Variants in CDK19 observed in about 807,000 individuals in gnomAD.
CDK19 encodes the protein cyclin-dependent kinase 19.
CDK19 carries 20 observed loss-of-function variants against 68.3 expected under a neutral mutation model. That is an observed-to-expected ratio of 0.29 (90% CI 0.21 to 0.43). The LOEUF (loss-of-function observed/expected upper bound fraction) is 0.43. Ranked by LOEUF, CDK19 falls within the 20% of genes least tolerant of loss-of-function variation. CDK19 has a pLI of 1.00. For synonymous variants in CDK19, 221 were observed against 222.8 expected, an observed-to-expected ratio of 0.99 and a Z score of 0.07; for missense variants, 339 against 623.5, an observed-to-expected ratio of 0.54 and a Z score of 4.86.
At chr6:110,758,954 A>C (rs1307370882) in intron 1 of CDK19, among the ~76,000 whole-genome samples, 1 of 151,166 alleles carries the variant, frequency 6.6e-6, no homozygotes, top group African/African-American at 2.4e-5. Flanking sequence ...TCAATGAAAA[A>C]TAAATACTTA....
intron 1 of CDK19, among the ~76,000 whole-genome samples, chr6:110,785,482 G>T (rs886516470): frequency 2.6e-5 from 4 of 152,162 alleles, no homozygotes; most frequent in African/African-American, 9.7e-5. Flanking sequence ...AAAAGAAAAT[G>T]CGAAGGAAAC....
chr6:110,648,544 T>C (rs1780760645), intron 4 of CDK19, among the ~76,000 whole-genome samples: 2 of 144,708 alleles, frequency 1.4e-5, no homozygotes, highest in East Asian at 2.0e-4. Flanking sequence ...TTTTCTTTTT[T>C]TTTTTTTTTT....
intron 1 of CDK19, among the ~76,000 whole-genome samples, chr6:110,760,124 G>A (rs766524664): frequency 8.6e-5 from 13 of 151,920 alleles, no homozygotes; most frequent in Admixed American, 3.3e-4. Flanking sequence ...GGCCAGGCGC[G>A]GTGCATCACA....
chr6:110,629,595 C>T (rs1779312206), intron 6 of CDK19, among the ~76,000 whole-genome samples: 1 of 152,208 alleles, frequency 6.6e-6, no homozygotes, highest in Non-Finnish European at 1.5e-5. Context: ...CTCAAGTGAT[C>T]CACCTGCCTT....
chr6:110,734,812 G>A (rs867629712), intron 2 of CDK19, among the ~76,000 whole-genome samples: 1 of 151,982 alleles, frequency 6.6e-6, no homozygotes, highest in South Asian at 2.1e-4. Flanking sequence ...CTTCTTGAGG[G>A]AAAGGGAAAA....
intron 2 of CDK19, among the ~76,000 whole-genome samples, chr6:110,724,084 T>C (rs1477602199): frequency 6.6e-6 from 1 of 151,366 alleles, no homozygotes. Context: ...CCAGGCACAG[T>C]GGCCCATGCC....
At chr6:110,718,629 T>G (rs1775585538) in intron 2 of CDK19, among the ~76,000 whole-genome samples, 1 of 109,756 alleles carries the variant, frequency 9.1e-6, no homozygotes, top group South Asian at 3.4e-4. Context: ...CGGAGAAATC[T>G]TCAAAGTCCA....
chr6:110,755,233 G>T (rs1312548991), intron 1 of CDK19, among the ~76,000 whole-genome samples: 1 of 151,968 alleles, frequency 6.6e-6, no homozygotes, highest in Non-Finnish European at 1.5e-5. Context: ...TAGAGATGGG[G>T]TTTCGCTATG....
At position 110,614,136 on chromosome 6, in the gene CDK19, C is replaced by T. The variant is rs1317514135; in HGVS notation, c.*399G>A. ...AGTTCATGAAGTATAAAACTATACA[C>T]CACTGGAATCCTGTTTCTAAAACAT... On this transcript the variant is annotated 3_prime_UTR_variant, in exon 13 of 13. Coordinates refer to ENST00000368911, the MANE Select transcript of CDK19 (RefSeq NM_015076.5). The T allele has an allele frequency of 6.2e-6, 1 of 161,342 alleles. No individual in the cohort carries two copies. Among genetic ancestry groups the T allele is most frequent in the African/African-American group, 2.4e-5 (1 of 41,810 alleles). The allele number at this position is 161,342 out of a possible 1,614,324, so 10.0% of individuals were successfully genotyped here.
rs115777360 is a variant in CDK19, at chr6:110,636,281, C to G, written c.514+2368G>C. Among the ~76,000 whole-genome samples, 257 of 152,302 alleles carry G rather than the reference C, an allele frequency of 1.7e-3. 1 individual carries two copies. Among genetic ancestry groups the G allele is most frequent in the African/African-American group, 5.8e-3 (240 of 41,568 alleles). On this transcript the variant is annotated intron_variant, in intron 5 of 12. Coordinates refer to ENST00000368911, the MANE Select transcript of CDK19 (RefSeq NM_015076.5). ...ACTTCGGCTAGGGTGAGAGATTAGACTCTGGTATCAAGATCTTAGAATCAT... is the reference window on the plus strand; with the variant it reads ...ACTTCGGCTAGGGTGAGAGATTAGAGTCTGGTATCAAGATCTTAGAATCAT...
intron 1 of CDK19, among the ~76,000 whole-genome samples, chr6:110,751,368 T>C (rs937119592): frequency 3.3e-5 from 5 of 152,092 alleles, no homozygotes; most frequent in Non-Finnish European, 4.4e-5. Flanking sequence ...CAAAACCCAC[T>C]GTGAACTGCA....
intron 6 of CDK19, among the ~76,000 whole-genome samples, chr6:110,630,791 A>C (rs946114864): frequency 6.6e-6 from 1 of 152,212 alleles, no homozygotes; most frequent in Non-Finnish European, 1.5e-5. Flanking sequence ...AGGCTTTTTC[A>C]CTAATTTAAC....
intron 1 of CDK19, among the ~76,000 whole-genome samples, chr6:110,755,041 C>CTTT (rs34041330): frequency 7.6e-6 from 1 of 131,756 alleles, no homozygotes; most frequent in Non-Finnish European, 1.6e-5. Flanking sequence ...CTTGTGAATC[C>CTTT]TTTTTTTTTT....
intron 2 of CDK19, among the ~76,000 whole-genome samples, chr6:110,676,293 G>C (rs1009241743): frequency 1.3e-5 from 2 of 151,890 alleles, no homozygotes; most frequent in African/African-American, 4.9e-5. Context: ...GCTTCTTATG[G>C]ATGGGCAAAG....
chr6:110,800,383 G>A (rs551686389), intron 1 of CDK19, among the ~76,000 whole-genome samples: 3 of 152,090 alleles, frequency 2.0e-5, no homozygotes, highest in Non-Finnish European at 4.4e-5. Flanking sequence ...GTACAAAGAA[G>A]AGCTGGTACC....
intron 4 of CDK19, among the ~76,000 whole-genome samples, chr6:110,642,199 G>C (rs1030852541): frequency 2.0e-5 from 3 of 152,018 alleles, no homozygotes; most frequent in African/African-American, 7.3e-5. Flanking sequence ...TACTCAGGAG[G>C]CTGAGGCAGG....
chr6:110,756,061 C>A (rs1252599930), intron 1 of CDK19, among the ~76,000 whole-genome samples: 1 of 152,046 alleles, frequency 6.6e-6, no homozygotes, highest in Non-Finnish European at 1.5e-5. Context: ...GAGTTCAAGA[C>A]CAGCCTGGGC....
intron 2 of CDK19, among the ~76,000 whole-genome samples, chr6:110,688,084 T>A (rs1772644638): frequency 6.6e-6 from 1 of 152,046 alleles, no homozygotes; most frequent in Non-Finnish European, 1.5e-5. Context: ...AAGGTTCTTT[T>A]AAATAAAATA....
At chr6:110,622,739 G>T in intron 10 of CDK19, 76 bp downstream of exon 10, 1 of 903,992 alleles carries the variant, frequency 1.1e-6, no homozygotes, top group Non-Finnish European at 1.9e-6. Flanking sequence ...TCAGTAGCAA[G>T]TGCTTCCCTT....
Sources: gnomAD v4.1 joint callset for allele counts (sites outside exome capture counted in the v4.1 genomes callset) on GRCh38, gnomAD v4.1.1 for gene constraint, MANE v1.5 for transcripts, NCBI Gene and HGNC (gene_info 2026-07-23, HGNC 2026-07-21) for gene names.